LEKR1: variants seen among roughly 807,000 people sequenced by gnomAD.
LEKR1 encodes protein LEKR1.
A neutral mutation model predicts 72.4 loss-of-function variants in LEKR1; 59 were observed. That is an observed-to-expected ratio of 0.82 (90% confidence interval 0.66 to 1.01). The LOEUF is 1.01. LEKR1 is among the 50% of genes least tolerant of loss of function. LEKR1 has a pLI of 0.00. For missense variants in LEKR1, 728 were observed against 759.2 expected, an observed-to-expected ratio of 0.96 and a Z score of 0.48; for synonymous variants, 257 against 263.2, an observed-to-expected ratio of 0.98 and a Z score of 0.23.
chr3:156,993,084 C>T lies in LEKR1; in HGVS notation c.916C>T (p.Leu306=). Residue 306 remains leucine, a synonymous_variant, in exon 9 of 13, where the codon CTG becomes TTG. Transcript: ENST00000356539. Reference sequence around the variant, plus strand: ...CCTATTTCTTTTTAGGCATACTATGCTGCTTAAGGAAAAAGAAGACTCTTT... The same window carrying T: ...CCTATTTCTTTTTAGGCATACTATGTTGCTTAAGGAAAAAGAAGACTCTTT... ...SIISESQHTM[L]LKEKEDSLMT... 1.3e-6 allele frequency: 2 copies of T among 1,589,614 alleles called. No homozygotes were observed. Among genetic ancestry groups the T allele is most frequent in the Non-Finnish European group, 1.7e-6 (2 of 1,167,814 alleles).
intron 3 of LEKR1, among the ~76,000 whole-genome samples, chr3:156,872,768 G>C (rs62275179): frequency 6.6e-6 from 1 of 151,710 alleles, no homozygotes; most frequent in Non-Finnish European, 1.5e-5. Flanking sequence ...TCCCCTTGTT[G>C]TTGATTTTTA....
At chr3:156,907,089 A>T (rs1722601243) in intron 3 of LEKR1, among the ~76,000 whole-genome samples, 1 of 152,120 alleles carries the variant, frequency 6.6e-6, no homozygotes, top group South Asian at 2.1e-4. Flanking sequence ...GCTTTTTAAA[A>T]CAATTTTTTT....
intron 6 of LEKR1, among the ~76,000 whole-genome samples, chr3:156,953,692 A>G (rs1306046015): frequency 2.0e-5 from 3 of 151,980 alleles, no homozygotes. Context: ...TTCAGAGGAC[A>G]TGATCTCATT....
intron 10 of LEKR1, among the ~76,000 whole-genome samples, chr3:157,017,948 CAAAAAA>C (rs58950224): frequency 2.0e-4 from 17 of 82,974 alleles, no homozygotes; most frequent in African/African-American, 8.7e-4. Flanking sequence ...GACTCTGTCT[CAAAAAA>C]AAAAAAAAAA....
chr3:156,949,115 G>C (rs1248654914), intron 6 of LEKR1, among the ~76,000 whole-genome samples: 2 of 151,434 alleles, frequency 1.3e-5, no homozygotes, highest in Non-Finnish European at 3.0e-5. Flanking sequence ...TAAGTTGTCT[G>C]TTTACTCTGT....
intron 9 of LEKR1, among the ~76,000 whole-genome samples, chr3:156,993,828 T>C (rs867493509): frequency 1.3e-5 from 2 of 152,314 alleles, no homozygotes; most frequent in Middle Eastern, 3.4e-3. Flanking sequence ...TTTAACCTTA[T>C]CTGTAATTAA....
chr3:157,001,693 T>C (rs1560138885), intron 9 of LEKR1, among the ~76,000 whole-genome samples: 3 of 152,228 alleles, frequency 2.0e-5, no homozygotes, highest in Non-Finnish European at 4.4e-5. Flanking sequence ...ATCTGAGATA[T>C]GCAAAGCAAA....
chr3:157,022,236 C>T (rs961463512), intron 10 of LEKR1, among the ~76,000 whole-genome samples: 8 of 152,044 alleles, frequency 5.3e-5, no homozygotes, highest in Admixed American at 2.0e-4. Context: ...GGCTAGTAGT[C>T]GCCCCGTAAA....
intron 3 of LEKR1, among the ~76,000 whole-genome samples, chr3:156,909,928 G>A (rs1396881409): frequency 4.6e-5 from 7 of 151,800 alleles, no homozygotes; most frequent in Admixed American, 3.9e-4. Flanking sequence ...ATTTTAAAAA[G>A]CATTTTTCTG....
chr3:156,903,092 T>C (rs1722193400), intron 3 of LEKR1, among the ~76,000 whole-genome samples: 1 of 152,118 alleles, frequency 6.6e-6, no homozygotes, highest in Non-Finnish European at 1.5e-5. Flanking sequence ...TTTCTATATT[T>C]AGATCTATTT....
intron 6 of LEKR1, among the ~76,000 whole-genome samples, chr3:156,969,524 G>A (rs1728958343): frequency 6.6e-6 from 1 of 152,162 alleles, no homozygotes; most frequent in African/African-American, 2.4e-5. Flanking sequence ...AAATCTAGAA[G>A]AAATGGATAA....
chr3:156,971,363 G>A (rs949769729), intron 6 of LEKR1, among the ~76,000 whole-genome samples: 25 of 152,162 alleles, frequency 1.6e-4, no homozygotes, highest in Non-Finnish European at 3.7e-4. Flanking sequence ...AGACTTAAAT[G>A]TTGGACCTGA....
intron 2 of LEKR1, among the ~76,000 whole-genome samples, chr3:156,847,675 A>G (rs1714798278): frequency 6.6e-6 from 1 of 152,314 alleles, no homozygotes; most frequent in South Asian, 2.1e-4. Context: ...CATTATTTAC[A>G]ATTTAATAGC....
chr3:156,980,053 A>G (rs1273717965), intron 7 of LEKR1: 8 of 152,158 alleles, frequency 5.3e-5, no homozygotes, highest in Non-Finnish European at 4.4e-5. Context: ...TATTTCAGAA[A>G]TTTCAAAAAT....
At chr3:156,898,184 C>T (rs900191795) in intron 3 of LEKR1, among the ~76,000 whole-genome samples, 1 of 152,070 alleles carries the variant, frequency 6.6e-6, no homozygotes, top group African/African-American at 2.4e-5. Context: ...CTTTGCAGGG[C>T]CATTTCAAGT....
intron 3 of LEKR1, among the ~76,000 whole-genome samples, chr3:156,880,990 G>A (rs1359899323): frequency 3.9e-5 from 6 of 152,102 alleles, no homozygotes; most frequent in Non-Finnish European, 5.9e-5. Context: ...GGTATTGATG[G>A]GACGTATCTC....
At chr3:156,876,617 C>T (rs1029775775) in intron 3 of LEKR1, among the ~76,000 whole-genome samples, 1 of 152,108 alleles carries the variant, frequency 6.6e-6, no homozygotes, top group Admixed American at 6.6e-5. Context: ...ATTTGATTCT[C>T]AGCTTAGTCA....
Position 156,916,757 on chromosome 3 carries a change from T to C in LEKR1, c.264-3818T>C, listed in dbSNP as rs114785189. Among the ~76,000 whole-genome samples the C allele has an allele frequency of 1.6e-3, 241 of 152,278 alleles. 3 individuals carry two copies. Among genetic ancestry groups the C allele is most frequent in the African/African-American group, 5.7e-3 (236 of 41,570 alleles). ...TTGGATGTACTTCATTTCTTTCTCT[T>C]GCCTGATTACTCTGGTCAGAACTTT... On this transcript the variant is annotated intron_variant, in intron 3 of 12. Transcript: ENST00000356539.
intron 11 of LEKR1, among the ~76,000 whole-genome samples, chr3:157,027,723 A>C (rs1279380453): frequency 6.6e-6 from 1 of 152,134 alleles, no homozygotes; most frequent in African/African-American, 2.4e-5. Context: ...CTGAATTGGT[A>C]GGATCGTTTG....
Sources: gnomAD v4.1 joint callset for allele counts (sites outside exome capture counted in the v4.1 genomes callset) on GRCh38, gnomAD v4.1.1 for gene constraint, MANE v1.5 for transcripts, NCBI Gene and HGNC (gene_info 2026-07-23, HGNC 2026-07-21) for gene names.